LINGO2: variants seen among roughly 807,000 people sequenced by gnomAD.
LINGO2 encodes leucine-rich repeat and immunoglobulin-like domain-containing nogo receptor-interacting protein 2.
Under a neutral mutation model 30.6 loss-of-function variants are expected in LINGO2, and 14 were observed. The observed-to-expected ratio is 0.46, with a 90% CI of 0.30 to 0.72. LINGO2 has a LOEUF of 0.72. LINGO2 is among the 30% of genes least tolerant of loss of function. LINGO2 has a pLI of 0.07. For synonymous variants in LINGO2, 317 were observed against 288.5 expected (o/e 1.10, Z -1.00); for missense variants, 729 against 751.7 (o/e 0.97, Z 0.35).
At position 28,496,186 on chromosome 9, in the gene LINGO2, C is replaced by A. The variant is rs569241932; in HGVS notation, c.-364-20161G>T. ...AGATGTCTATTAGGTCTGCTTGGTGCAGAGCTGAGTTCAATTCCTGGATAT... is the reference window on the plus strand; with the variant it reads ...AGATGTCTATTAGGTCTGCTTGGTGAAGAGCTGAGTTCAATTCCTGGATAT... On this transcript the variant is annotated intron_variant, in intron 1 of 5. Coordinates refer to ENST00000379992, the Ensembl canonical transcript of LINGO2. Among the ~76,000 whole-genome samples, 88 of 152,154 alleles carry A rather than the reference C, an allele frequency of 5.8e-4. No individual in the cohort carries two copies. In the South Asian group the frequency reaches 8.1e-3, roughly 14 times the overall value.
At chr9:28,128,017 T>G (rs1827286847) in intron 4 of LINGO2, among the ~76,000 whole-genome samples, 1 of 152,230 alleles carries the variant, frequency 6.6e-6, no homozygotes, top group African/African-American at 2.4e-5. Context: ...AAAGCAGTTA[T>G]TTTTCTGTCC....
At chr9:28,700,096 A>T in the LINGO2 span, among the ~76,000 whole-genome samples, 1 of 152,096 alleles carries the variant, frequency 6.6e-6, no homozygotes, top group Middle Eastern at 3.4e-3. Flanking sequence ...AATCCTTAAT[A>T]AAAACCTGCT....
intron 1 of LINGO2, among the ~76,000 whole-genome samples, chr9:28,507,700 A>C (rs1276493302): frequency 2.0e-5 from 3 of 152,128 alleles, no homozygotes; most frequent in Non-Finnish European, 4.4e-5. Flanking sequence ...TAGGTTAAAG[A>C]ATATATACTC....
the LINGO2 span, among the ~76,000 whole-genome samples, chr9:28,732,468 A>G: frequency 6.6e-6 from 1 of 152,272 alleles, no homozygotes; most frequent in Non-Finnish European, 1.5e-5. Flanking sequence ...AACAATAAAT[A>G]GGAGTATTTT....
downstream of LINGO2, among the ~76,000 whole-genome samples, chr9:27,944,669 T>C (rs941257087): frequency 6.6e-6 from 1 of 152,042 alleles, no homozygotes. Context: ...GGAAAATCAA[T>C]GGAAATAACC....
chr9:28,160,243 T>C (rs979771680), intron 4 of LINGO2, among the ~76,000 whole-genome samples: 3 of 152,170 alleles, frequency 2.0e-5, no homozygotes, highest in African/African-American at 7.2e-5. Context: ...TGGACTCCAG[T>C]AGAAATAAGA....
rs548787624 is a variant in LINGO2 at position 28,037,704 on chromosome 9, G to T, written c.-86-25299C>A. Among the ~76,000 whole-genome samples, 95 of 152,370 alleles carry T rather than the reference G, an allele frequency of 6.2e-4. 1 individual carries two copies. The highest frequency in any genetic ancestry group is 1.1e-3 in the Non-Finnish European group (75 of 68,042). On this transcript the variant is annotated intron_variant, in intron 4 of 5. Coordinates refer to ENST00000379992, the Ensembl canonical transcript of LINGO2. The stretch of plus-strand genomic sequence containing the variant: ...AGAATTGCCATGGAAGGGACTCAAT[G>T]AACTACCAATAAATTAGCGAATGAA...
At chr9:28,241,390 G>T (rs1042763037) in intron 4 of LINGO2, among the ~76,000 whole-genome samples, 1 of 151,930 alleles carries the variant, frequency 6.6e-6, no homozygotes, top group Non-Finnish European at 1.5e-5. Context: ...GATCCAAACA[G>T]TGTGCAAGTC....
chr9:28,775,071 C>T, the LINGO2 span, among the ~76,000 whole-genome samples: 157 of 152,092 alleles, frequency 1.0e-3, 1 homozygote, highest in African/African-American at 3.6e-3. Flanking sequence ...AATGTGTGTG[C>T]GGATATTGCT....
chr9:28,026,955 T>C (rs1823407865), intron 4 of LINGO2, among the ~76,000 whole-genome samples: 1 of 152,160 alleles, frequency 6.6e-6, no homozygotes, highest in African/African-American at 2.4e-5. Flanking sequence ...CTCCTAAATT[T>C]GCATGCAACT....
chr9:28,640,714 G>GA (rs1827532573), intron 1 of LINGO2, among the ~76,000 whole-genome samples: 1 of 151,900 alleles, frequency 6.6e-6, no homozygotes, highest in Non-Finnish European at 1.5e-5. Flanking sequence ...GGTTATTCTA[G>GA]TTAGCGATTC....
At chr9:29,186,704 C>G in the LINGO2 span, among the ~76,000 whole-genome samples, 3 of 151,876 alleles carry the variant, frequency 2.0e-5, no homozygotes, top group South Asian at 2.1e-4. Context: ...ACATTATATA[C>G]TAAGGCATAC....
chr9:28,237,519 TA>T (rs1177914483), intron 4 of LINGO2, among the ~76,000 whole-genome samples: 1 of 151,744 alleles, frequency 6.6e-6, no homozygotes, highest in African/African-American at 2.4e-5. Flanking sequence ...CTGAATGGAT[TA>T]AAAAAAACAA....
chr9:28,820,479 T>G, the LINGO2 span, among the ~76,000 whole-genome samples: 1 of 152,322 alleles, frequency 6.6e-6, no homozygotes, highest in South Asian at 2.1e-4. Flanking sequence ...ATCCCATACA[T>G]TGACGTATGT....
At chr9:28,474,419 C>A (rs1825648114) in intron 2 of LINGO2, among the ~76,000 whole-genome samples, 2 of 2,384 alleles carry the variant, frequency 8.4e-4, no homozygotes, top group Non-Finnish European at 4.2e-3. Flanking sequence ...CATAAAAAAA[C>A]TTGAGAAAGT....
intron 3 of LINGO2, among the ~76,000 whole-genome samples, chr9:28,297,160 T>G (rs1443369858): frequency 1.3e-5 from 2 of 152,174 alleles, no homozygotes; most frequent in Non-Finnish European, 2.9e-5. Context: ...ATCAGTGACT[T>G]AGCGCCACTT....
chr9:28,390,187 G>A (rs190917293), intron 2 of LINGO2, among the ~76,000 whole-genome samples: 210 of 152,204 alleles, frequency 1.4e-3, no homozygotes, highest in Admixed American at 2.4e-3. Flanking sequence ...CACGGTTTCT[G>A]CCTTCTGCTG....
At chr9:28,529,052 A>C (rs1331743073) in intron 1 of LINGO2, among the ~76,000 whole-genome samples, 1 of 152,096 alleles carries the variant, frequency 6.6e-6, no homozygotes, top group Non-Finnish European at 1.5e-5. Flanking sequence ...GCAGAGGAAT[A>C]GTTTTAGAAA....
intron 4 of LINGO2, among the ~76,000 whole-genome samples, chr9:28,134,581 G>A (rs1468943811): frequency 2.0e-5 from 3 of 147,076 alleles, no homozygotes; most frequent in Admixed American, 6.7e-5. Flanking sequence ...AGCCGATTCC[G>A]GAGAGCACAA....
Sources: gnomAD v4.1 joint callset for allele counts (sites outside exome capture counted in the v4.1 genomes callset) on GRCh38, gnomAD v4.1.1 for gene constraint, MANE v1.5 for transcripts, NCBI Gene and HGNC (gene_info 2026-07-23, HGNC 2026-07-21) for gene names.